Variants in RBFOX1 observed in about 807,000 individuals in gnomAD.
RBFOX1 encodes RNA binding protein fox-1 homolog 1.
In RBFOX1, 8 loss-of-function variants were observed where a neutral mutation model predicts 57.7. That is an observed-to-expected ratio of 0.14 (90% CI 0.08 to 0.25). The LOEUF is 0.25. Among genes scored for constraint, RBFOX1 ranks in the 10% least tolerant of loss-of-function variants. The pLI is 1.00. For synonymous variants in RBFOX1, 326 were observed against 222.4 expected (o/e 1.47, Z -4.15); for missense variants, 611 against 548.5 (o/e 1.11, Z -1.14).
chr16:7,579,404 T>C (rs2109442), intron 5 of RBFOX1, among the ~76,000 whole-genome samples: 49,212 of 151,900 alleles, frequency 0.32, 9,220 homozygotes, highest in East Asian at 0.53. Flanking sequence ...AGGTTCTCGC[T>C]CCCCACCTCC....
At chr16:5,971,628 G>T (rs796993256) in intron 4 of RBFOX1, among the ~76,000 whole-genome samples, 1 of 152,190 alleles carries the variant, frequency 6.6e-6, no homozygotes, top group African/African-American at 2.4e-5. Flanking sequence ...TTAAGCCAGA[G>T]TTCCCTTAGC....
chr16:7,234,570 A>T (rs2093671877), intron 4 of RBFOX1, among the ~76,000 whole-genome samples: 1 of 143,942 alleles, frequency 6.9e-6, no homozygotes, highest in African/African-American at 2.6e-5. Flanking sequence ...TTCTGTTGCA[A>T]ATGACATGTG....
chr16:7,539,964 A>G (rs1402901423), intron 5 of RBFOX1, among the ~76,000 whole-genome samples: 1 of 152,180 alleles, frequency 6.6e-6, no homozygotes. Context: ...CCCTTTATTC[A>G]CTGCATGACT....
chr16:6,902,067 A>T (rs1410060664), intron 3 of RBFOX1, among the ~76,000 whole-genome samples: 2 of 152,200 alleles, frequency 1.3e-5, no homozygotes, highest in Non-Finnish European at 2.9e-5. Context: ...ATAAAGTTGC[A>T]TACTTGATGT....
chr16:6,184,960 A>AG (rs796160318), intron 1 of RBFOX1, among the ~76,000 whole-genome samples: 19 of 152,292 alleles, frequency 1.2e-4, no homozygotes, highest in African/African-American at 4.3e-4. Context: ...AAAGAGAGAG[A>AG]GAAGAAGGAA....
At chr16:6,250,201 C>G (rs1309066489) in intron 1 of RBFOX1, among the ~76,000 whole-genome samples, 1 of 152,156 alleles carries the variant, frequency 6.6e-6, no homozygotes, top group African/African-American at 2.4e-5. Context: ...AGAGCAGGGA[C>G]TATCTTTTTT....
chr16:5,570,772 C>T (rs950447523), intron 2 of RBFOX1, among the ~76,000 whole-genome samples: 16 of 148,938 alleles, frequency 1.1e-4, no homozygotes, highest in South Asian at 4.2e-4. Context: ...CCCGGGAGAT[C>T]GAGGTTGTAG....
chr16:6,960,293 G>A (rs182599576), intron 3 of RBFOX1, among the ~76,000 whole-genome samples: 18 of 152,260 alleles, frequency 1.2e-4, no homozygotes, highest in Admixed American at 9.2e-4. Context: ...TCTTATAGAT[G>A]AGAAGTTAAT....
rs930672048 is a variant in RBFOX1, at chr16:7,595,576, A to G, written c.496A>G (p.Ser166Gly). 1.3e-6 allele frequency: 2 copies of G among 1,559,984 alleles called. No individual in the cohort carries two copies. The highest frequency in any genetic ancestry group is 1.4e-5 in the African/African-American group (1 of 73,450). ...KGFGFVTFEN[S>G]ADADRAREKL... ...ATTTGGTTTCGTAACTTTCGAAAAT[A>G]GTGCCGATGCGGACAGGGCGAGGGA... Residue 166 changes from serine (S) to glycine (G), a missense_variant, in exon 8 of 16, where the codon AGT becomes GGT. This residue lies in a region of RBFOX1 where 99 missense variants were observed against 160.3 expected (regional missense o/e 0.62). Transcript: ENST00000550418.
intron 4 of RBFOX1, among the ~76,000 whole-genome samples, chr16:7,208,711 C>G (rs1263127837): frequency 6.6e-6 from 1 of 152,092 alleles, no homozygotes; most frequent in Non-Finnish European, 1.5e-5. Context: ...ATGGCATATA[C>G]CTGTAGTCCC....
At chr16:5,603,601 T>G (rs116904087), downstream of RBFOX1, among the ~76,000 whole-genome samples, 55 of 152,322 alleles carry the variant, frequency 3.6e-4, 1 homozygote, top group East Asian at 8.3e-3. Context: ...AGACCAATCT[T>G]TCTGCCCCTC....
At chr16:6,690,528 G>A (rs1388638335) in intron 3 of RBFOX1, among the ~76,000 whole-genome samples, 4 of 148,470 alleles carry the variant, frequency 2.7e-5, no homozygotes, top group African/African-American at 9.9e-5. Flanking sequence ...TAAGTAAAAG[G>A]CAAACAAAAC....
In RBFOX1 at chr16:6,736,593, A is replaced by G. The variant is rs879891478; in HGVS notation, c.-16+81943A>G. ...ATTTGGATTGGTTCCACGATTTTGCAGTTGTGAATTGTGCCACTATAAACA... is the reference window on the plus strand; with the variant it reads ...ATTTGGATTGGTTCCACGATTTTGCGGTTGTGAATTGTGCCACTATAAACA... On this transcript the variant is annotated intron_variant, in intron 3 of 15. Transcript: ENST00000550418. 6.6e-5 allele frequency among the ~76,000 whole-genome samples: 10 copies of G among 152,294 alleles called. No homozygotes were observed. The South Asian group carries it at 1.9e-3, about 28-fold the overall frequency.
chr16:7,030,863 C>G (rs921108296), intron 3 of RBFOX1, among the ~76,000 whole-genome samples: 1 of 152,180 alleles, frequency 6.6e-6, no homozygotes, highest in Middle Eastern at 3.4e-3. Context: ...TTTCTTTTGT[C>G]TTAGGGGAGA....
chr16:7,329,447 A>T (rs897766996), intron 4 of RBFOX1, among the ~76,000 whole-genome samples: 2 of 152,210 alleles, frequency 1.3e-5, no homozygotes, highest in Admixed American at 1.3e-4. Flanking sequence ...CATAGTGTCG[A>T]CCTTCTAGAG....
At chr16:5,612,962 A>G (rs747926692) in intron 3 of RBFOX1, among the ~76,000 whole-genome samples, 1 of 152,152 alleles carries the variant, frequency 6.6e-6, no homozygotes, top group East Asian at 1.9e-4. Context: ...AAAGGACTCA[A>G]TCCACAGTGG....
chr16:5,569,521 G>C (rs951084615), intron 2 of RBFOX1, among the ~76,000 whole-genome samples: 8 of 126,614 alleles, frequency 6.3e-5, no homozygotes, highest in African/African-American at 1.2e-4. Flanking sequence ...AGGAAATTCA[G>C]CTCATCATCT....
intron 1 of RBFOX1, among the ~76,000 whole-genome samples, chr16:6,103,904 T>G (rs951782037): frequency 5.9e-5 from 9 of 152,302 alleles, no homozygotes; most frequent in African/African-American, 1.9e-4. Context: ...TCTGTTCCAA[T>G]TTGGAAGAAA....
intron 4 of RBFOX1, among the ~76,000 whole-genome samples, chr16:7,310,356 G>A (rs1013966996): frequency 6.6e-6 from 1 of 152,182 alleles, no homozygotes; most frequent in Non-Finnish European, 1.5e-5. Context: ...TGATCTTCCT[G>A]TCATGCTATA....
Sources: gnomAD v4.1 joint callset for allele counts (sites outside exome capture counted in the v4.1 genomes callset) on GRCh38, gnomAD v4.1.1 for gene constraint, gnomAD v4.1.1 regional missense constraint, MANE v1.5 for transcripts, NCBI Gene and HGNC (gene_info 2026-07-23, HGNC 2026-07-21) for gene names.